The following LINGO2 variants were observed in gnomAD, a reference collection of about 807,000 sequenced individuals.
LINGO2 encodes the protein leucine rich repeat and Ig domain containing 2.
LINGO2 carries 14 observed loss-of-function variants against 30.6 expected under a neutral mutation model. That is an observed-to-expected ratio of 0.46 (90% CI 0.30 to 0.72). The LOEUF (loss-of-function observed/expected upper bound fraction) is 0.72, where lower values mean the gene tolerates loss of function less well. Ranked by LOEUF, LINGO2 falls within the 30% of genes least tolerant of loss-of-function variation. LINGO2 has a pLI of 0.07. For missense variants in LINGO2, 729 were observed against 751.7 expected, an observed-to-expected ratio of 0.97 and a Z score of 0.35; for synonymous variants, 317 against 288.5, an observed-to-expected ratio of 1.10 and a Z score of -1.00.
chr9:29,035,430 A>G, the LINGO2 span, among the ~76,000 whole-genome samples: 2 of 151,880 alleles, frequency 1.3e-5, no homozygotes, highest in African/African-American at 4.8e-5. Flanking sequence ...CAAAAAACAA[A>G]AAAACTTTTC....
At chr9:28,686,762 T>C in the LINGO2 span, among the ~76,000 whole-genome samples, 1 of 152,118 alleles carries the variant, frequency 6.6e-6, no homozygotes, top group Admixed American at 6.5e-5. Context: ...ATTGAGCTTA[T>C]TGGAATATCC....
At chr9:28,981,821 G>C in the LINGO2 span, among the ~76,000 whole-genome samples, 2 of 152,020 alleles carry the variant, frequency 1.3e-5, no homozygotes, top group Non-Finnish European at 2.9e-5. Flanking sequence ...AATAAATCAG[G>C]CTCCATTTCT....
At chr9:29,006,724 T>C in the LINGO2 span, among the ~76,000 whole-genome samples, 2 of 152,032 alleles carry the variant, frequency 1.3e-5, no homozygotes, top group Admixed American at 1.3e-4. Flanking sequence ...TATTAAATAT[T>C]CAACATTAAG....
chr9:28,991,602 G>C, the LINGO2 span, among the ~76,000 whole-genome samples: 1 of 145,350 alleles, frequency 6.9e-6, no homozygotes, highest in African/African-American at 2.5e-5. Context: ...AAAATGTTAA[G>C]GGCAGCCAGA....
intron 3 of LINGO2, among the ~76,000 whole-genome samples, chr9:28,326,852 C>T (rs1825247021): frequency 6.6e-6 from 1 of 152,160 alleles, no homozygotes; most frequent in Admixed American, 6.5e-5. Flanking sequence ...ATGCTGGTTA[C>T]ATGGTCACCC....
At chr9:28,191,788 C>CTT (rs1420317433) in intron 4 of LINGO2, among the ~76,000 whole-genome samples, 2 of 152,082 alleles carry the variant, frequency 1.3e-5, no homozygotes, top group Non-Finnish European at 2.9e-5. Flanking sequence ...GAAACATTAT[C>CTT]TTTTCCCATA....
the LINGO2 span, among the ~76,000 whole-genome samples, chr9:29,006,719 A>C: frequency 6.6e-6 from 1 of 152,074 alleles, no homozygotes; most frequent in Non-Finnish European, 1.5e-5. Context: ...CTACTTATTA[A>C]ATATTCAACA....
At chr9:28,436,820 G>A (rs968363532) in intron 2 of LINGO2, among the ~76,000 whole-genome samples, 3 of 152,148 alleles carry the variant, frequency 2.0e-5, no homozygotes, top group East Asian at 1.9e-4. Flanking sequence ...AGGCAGTACT[G>A]CATGGTAGCA....
intron 4 of LINGO2, among the ~76,000 whole-genome samples, chr9:28,071,738 G>A (rs1212910925): frequency 1.3e-5 from 2 of 151,904 alleles, no homozygotes; most frequent in Non-Finnish European, 2.9e-5. Context: ...GGTCCATTTG[G>A]TTCTAAGAGC....
intron 4 of LINGO2, among the ~76,000 whole-genome samples, chr9:28,027,231 A>G (rs567121770): frequency 1.4e-4 from 21 of 152,306 alleles, no homozygotes; most frequent in Non-Finnish European, 2.8e-4. Flanking sequence ...ATATCGATGT[A>G]TTTATTCTTA....
intron 5 of LINGO2, among the ~76,000 whole-genome samples, chr9:27,972,874 T>C (rs1284242729): frequency 6.6e-6 from 1 of 152,190 alleles, no homozygotes; most frequent in African/African-American, 2.4e-5. Flanking sequence ...CTTTAACACT[T>C]GAATCAGTAG....
chr9:29,185,142 CT>C, the LINGO2 span, among the ~76,000 whole-genome samples: 13 of 152,174 alleles, frequency 8.5e-5, no homozygotes, highest in Non-Finnish European at 1.8e-4. Context: ...TGACTAGGCT[CT>C]ATTCCACAGA....
At chr9:28,591,655 C>T (rs371027583) in intron 1 of LINGO2, among the ~76,000 whole-genome samples, 24 of 152,084 alleles carry the variant, frequency 1.6e-4, no homozygotes, top group Admixed American at 1.0e-3. Context: ...AGGTTGGGAA[C>T]GCGGCACTGC....
chr9:28,872,390 A>G, the LINGO2 span, among the ~76,000 whole-genome samples: 1 of 152,080 alleles, frequency 6.6e-6, no homozygotes, highest in East Asian at 1.9e-4. Flanking sequence ...GACATTTAAC[A>G]GGAAAGATAA....
At chr9:28,522,216 A>G (rs1442943053) in intron 1 of LINGO2, among the ~76,000 whole-genome samples, 1 of 152,230 alleles carries the variant, frequency 6.6e-6, no homozygotes, top group African/African-American at 2.4e-5. Flanking sequence ...ACTGAATTTT[A>G]GAAAAAGGTG....
At chr9:27,958,902 C>A (rs369309929) in intron 5 of LINGO2, among the ~76,000 whole-genome samples, 3 of 152,150 alleles carry the variant, frequency 2.0e-5, no homozygotes, top group Non-Finnish European at 2.9e-5. Context: ...AACTTACCTG[C>A]GAATCCAAAC....
At chr9:28,611,401 G>A (rs930230481) in intron 1 of LINGO2, among the ~76,000 whole-genome samples, 11 of 151,536 alleles carry the variant, frequency 7.3e-5, no homozygotes, top group African/African-American at 2.7e-4. Context: ...GTGAGAGAGA[G>A]CATCTACTCT....
chr9:28,849,041 C>T, the LINGO2 span, among the ~76,000 whole-genome samples: 5 of 152,148 alleles, frequency 3.3e-5, no homozygotes, highest in East Asian at 7.7e-4. Context: ...CTCCCCTCTA[C>T]TCAGAGCACA....
chr9:29,151,865 T>G, the LINGO2 span, among the ~76,000 whole-genome samples: 4 of 151,862 alleles, frequency 2.6e-5, no homozygotes, highest in Non-Finnish European at 5.9e-5. Context: ...ACAAATAAAT[T>G]CTGAAATTAA....
Sources: allele counts gnomAD v4.1 joint callset (sites outside exome capture counted in the v4.1 genomes callset), GRCh38; gene constraint gnomAD v4.1.1; transcripts MANE v1.5; gene names NCBI Gene and HGNC (gene_info 2026-07-23, HGNC 2026-07-21).